PARD6G: variants seen among roughly 807,000 people sequenced by gnomAD.
PARD6G encodes par-6 family cell polarity regulator gamma.
In PARD6G, 7 loss-of-function variants were observed where a neutral mutation model predicts 10.7. That is an observed-to-expected ratio of 0.66 (90% confidence interval 0.37 to 1.23). PARD6G has a LOEUF of 1.23. Among genes scored for constraint, PARD6G ranks in the 50% most tolerant of loss-of-function variants. The pLI is 0.02. For synonymous variants in PARD6G, 287 were observed against 269.4 expected (o/e 1.07, Z -0.64); for missense variants, 548 against 571.8 (o/e 0.96, Z 0.42).
rs527990931 is a variant in PARD6G, at chr18:80,159,875, C to A, written c.1027G>T (p.Gly343Cys). 2.0e-6 allele frequency: 3 copies of A among 1,509,758 alleles called. No homozygotes were observed. Among genetic ancestry groups the A allele is most frequent in the Non-Finnish European group, 2.6e-6 (3 of 1,135,164 alleles). The allele number at this position is 1,509,758 out of a possible 1,614,324, so 93.5% of individuals were successfully genotyped here. A position where few individuals can be genotyped will look rare whatever the true frequency, so the allele number is the denominator to read the frequency against. Residue 343 changes from glycine to cysteine, a missense_variant, in exon 3 of 3, where the codon GGC (glycine) becomes TGC (cysteine). By Grantham distance (159) the Gly-to-Cys change is radical (BLOSUM62 -3). Around this residue, in one of 2 missense-constraint regions of PARD6G, gnomAD observed 313 missense variants for 279.9 expected, o/e 1.12. Transcript: ENST00000353265. ...GAGCTGAGCAGCCGCTGGAGGCCGC[C>A]GTCCAGGGCCAGGTCCCGCTGCAGC... Reference protein sequence around the residue: ...QRLQRDLALDGGLQRLLSSLR... With the variant: ...QRLQRDLALDCGLQRLLSSLR...
intron 1 of PARD6G, among the ~76,000 whole-genome samples, chr18:80,224,581 C>T (rs1472667551): frequency 6.6e-6 from 1 of 152,224 alleles, no homozygotes; most frequent in Non-Finnish European, 1.5e-5. Context: ...GGTGCGGTGG[C>T]TCACGCCTGT....
intron 2 of PARD6G, chr18:80,185,095 CCTT>C (rs1190816741): frequency 1.3e-5 from 2 of 152,218 alleles, no homozygotes; most frequent in Non-Finnish European, 2.9e-5. Context: ...AATCTACTCT[CCTT>C]CACCAAATTG....
chr18:80,219,454 C>T (rs1967206988), intron 1 of PARD6G, among the ~76,000 whole-genome samples: 1 of 152,216 alleles, frequency 6.6e-6, no homozygotes, highest in African/African-American at 2.4e-5. Flanking sequence ...AGGTGATCCA[C>T]CTGCCTCAGC....
intron 2 of PARD6G, among the ~76,000 whole-genome samples, chr18:80,174,762 G>A (rs2052798432): frequency 6.6e-6 from 1 of 152,192 alleles, no homozygotes; most frequent in East Asian, 1.9e-4. Flanking sequence ...AGACCATCCT[G>A]GCTAACACGG....
chr18:80,198,790 C>T (rs552159421), intron 2 of PARD6G, among the ~76,000 whole-genome samples: 1 of 152,068 alleles, frequency 6.6e-6, no homozygotes, highest in Non-Finnish European at 1.5e-5. Flanking sequence ...GGAGATAAAC[C>T]CAGAAAACCT....
chr18:80,240,333 G>GTTGT (rs1967476037), intron 1 of PARD6G, among the ~76,000 whole-genome samples: 1 of 152,218 alleles, frequency 6.6e-6, no homozygotes, highest in Non-Finnish European at 1.5e-5. Context: ...AGTGCAAGTA[G>GTTGT]TTGTCCCTTT....
rs540281309 is a variant in PARD6G, at chr18:80,195,781, A to C, written c.295+6929T>G. Among the ~76,000 whole-genome samples the C allele has an allele frequency of 3.1e-4, 47 of 151,136 alleles. No individual in the cohort carries two copies. In the East Asian group the frequency reaches 8.0e-3, roughly 26 times the overall value. ...TCCCAGCTACTCAGGAGGCTGAGGC[A>C]GGAGAATCGCTTGAACCTGGGAGGT... On this transcript the variant is annotated intron_variant, in intron 2 of 2. Transcript: ENST00000353265.
At position 80,246,905 on chromosome 18, in the gene PARD6G, C is replaced by T. The variant is rs531276152; in HGVS notation, c.72+372G>A. Among the ~76,000 whole-genome samples, 10 of 152,186 alleles carry T rather than the reference C, an allele frequency of 6.6e-5. No individual in the cohort carries two copies. The highest frequency in any genetic ancestry group is 2.4e-4 in the African/African-American group (10 of 41,538). ...CAGAGCCCCCCCACGGCCCCGAATC[C>T]GAGCAGCCCCTGGCCCTCAACTCGC... On this transcript the variant is annotated intron_variant, in intron 1 of 2. Transcript: ENST00000353265. This position sits in a 1 kb window ranked among gnomAD's most constrained non-coding sequence, Gnocchi z 6.7.
chr18:80,187,994 A>T (rs1183772146), intron 2 of PARD6G: 1 of 152,250 alleles, frequency 6.6e-6, no homozygotes, highest in Non-Finnish European at 1.5e-5. Flanking sequence ...GTGCAGAAAA[A>T]ATAAAATCTT....
intron 2 of PARD6G, chr18:80,169,092 G>A (rs1192393850): frequency 1.2e-5 from 2 of 169,260 alleles, no homozygotes; most frequent in South Asian, 2.0e-4. Flanking sequence ...GGAAGGCGTC[G>A]CCTTCACGCT....
chr18:80,196,091 T>G (rs1022831881), intron 2 of PARD6G, among the ~76,000 whole-genome samples: 29 of 152,134 alleles, frequency 1.9e-4, no homozygotes, highest in South Asian at 2.1e-4. Flanking sequence ...ATAATAAAAT[T>G]GTAACAATTT....
chr18:80,163,799 C>T (rs1479531776), intron 2 of PARD6G, among the ~76,000 whole-genome samples: 1 of 152,236 alleles, frequency 6.6e-6, no homozygotes, highest in Non-Finnish European at 1.5e-5. Context: ...TGGACCTCTG[C>T]TTCCCAGAAG....
chr18:80,242,693 T>C (rs915333954), intron 1 of PARD6G, among the ~76,000 whole-genome samples: 2 of 151,988 alleles, frequency 1.3e-5, no homozygotes, highest in African/African-American at 4.8e-5. Context: ...AACAAGAAGC[T>C]CCCATAACTT....
chr18:80,168,281 C>T (rs2052749955), intron 2 of PARD6G, among the ~76,000 whole-genome samples: 1 of 152,174 alleles, frequency 6.6e-6, no homozygotes, highest in Admixed American at 6.5e-5. Flanking sequence ...TTTCAGACAA[C>T]AATCCGTTTC....
chr18:80,245,761 C>T (rs1042829665), intron 1 of PARD6G, among the ~76,000 whole-genome samples: 28 of 152,276 alleles, frequency 1.8e-4, no homozygotes, highest in Non-Finnish European at 3.8e-4. Flanking sequence ...CCCGCCCATG[C>T]TTGTGGGCTC....
intron 1 of PARD6G, among the ~76,000 whole-genome samples, chr18:80,204,040 C>A (rs972217163): frequency 6.6e-6 from 1 of 152,116 alleles, no homozygotes; most frequent in Non-Finnish European, 1.5e-5. Context: ...TGCCCATGAG[C>A]TGCCCGCAGA....
At chr18:80,222,462 C>A (rs748536869) in intron 1 of PARD6G, among the ~76,000 whole-genome samples, 2 of 152,168 alleles carry the variant, frequency 1.3e-5, no homozygotes, top group Non-Finnish European at 2.9e-5. Context: ...CCATCAGAAT[C>A]TTAGCTGTAT....
intron 2 of PARD6G, among the ~76,000 whole-genome samples, chr18:80,173,047 A>T (rs1035429993): frequency 3.9e-5 from 6 of 152,236 alleles, no homozygotes; most frequent in African/African-American, 1.2e-4. Context: ...GAACATTTCC[A>T]TCGGCCTTGG....
intron 1 of PARD6G, among the ~76,000 whole-genome samples, chr18:80,244,155 C>A (rs1967518080): frequency 6.6e-6 from 1 of 152,142 alleles, no homozygotes; most frequent in South Asian, 2.1e-4. Context: ...TGGCCAAGGA[C>A]TCTTGCTCTC....
Sources: gnomAD v4.1 joint callset for allele counts (sites outside exome capture counted in the v4.1 genomes callset) on GRCh38, gnomAD v4.1.1 for gene constraint, gnomAD v4.1.1 regional missense constraint, Gnocchi (gnomAD v3.1) non-coding constraint, MANE v1.5 for transcripts, NCBI Gene and HGNC (gene_info 2026-07-23, HGNC 2026-07-21) for gene names.